The following ADAMTS5 variants were observed in gnomAD, a reference collection of about 807,000 sequenced individuals.
The protein encoded by ADAMTS5 is ADAM metallopeptidase with thrombospondin type 1 motif 5, also known as A disintegrin and metalloproteinase with thrombospondin motifs 5.
ADAMTS5 carries 54 observed loss-of-function variants against 81.4 expected under a neutral mutation model. That is an observed-to-expected ratio of 0.66 (90% CI 0.53 to 0.83). The LOEUF (loss-of-function observed/expected upper bound fraction) is 0.83. Among genes scored for constraint, ADAMTS5 ranks in the 40% least tolerant of loss-of-function variants. The pLI is 0.00. For synonymous variants in ADAMTS5, 532 were observed against 508.8 expected (o/e 1.05, Z -0.61); for missense variants, 1,194 against 1,229.9 (o/e 0.97, Z 0.44).
At chr21:26,928,038 T>C (rs1170354914) in intron 7 of ADAMTS5, among the ~76,000 whole-genome samples, 1 of 152,104 alleles carries the variant, frequency 6.6e-6, no homozygotes, top group African/African-American at 2.4e-5. Flanking sequence ...AAGATTAGGG[T>C]CATATTGTGA....
At chr21:26,925,012 A>G (rs1461547656) in intron 7 of ADAMTS5, among the ~76,000 whole-genome samples, 1 of 152,234 alleles carries the variant, frequency 6.6e-6, no homozygotes, top group Non-Finnish European at 1.5e-5. Context: ...TGACAAAAAT[A>G]TGCCTTCACT....
At chr21:26,926,706 A>G (rs903538402) in intron 7 of ADAMTS5, among the ~76,000 whole-genome samples, 9 of 151,296 alleles carry the variant, frequency 5.9e-5, no homozygotes, top group East Asian at 1.9e-4. Context: ...TTGACTCCCA[A>G]TTAGCGCTCT....
chr21:26,932,731 T>C lies in ADAMTS5; in HGVS notation c.1873+130A>G, dbSNP rs1986935524. On this transcript the variant is annotated intron_variant, in intron 5 of 7. Coordinates refer to ENST00000284987, the MANE Select transcript of ADAMTS5 (RefSeq NM_007038.5). Reference sequence around the variant, plus strand: ...AAAACAAACACATAGGTGTTTGTTATTGATCTGCATATTGGTGGAACTGTG... The same window carrying C: ...AAAACAAACACATAGGTGTTTGTTACTGATCTGCATATTGGTGGAACTGTG... 3.9e-6 allele frequency: 4 copies of C among 1,031,266 alleles called. No homozygotes were observed. The Admixed American group carries it at 1.1e-4, about 28-fold the overall frequency. 63.9% of individuals were successfully genotyped at this position (1,031,266 alleles called of 1,614,324 possible).
Position 26,934,548 on chromosome 21 carries a change from G to A in ADAMTS5, c.1607C>T (p.Ala536Val), listed in dbSNP as rs752801493. The A allele has an allele frequency of 4.9e-5, 79 of 1,613,926 alleles. 1 individual carries two copies. The Middle Eastern group carries it at 4.9e-4, about 10-fold the overall frequency. Residue 536 changes from alanine to valine, a missense_variant, in exon 4 of 8, where the codon GCG (alanine) becomes GTG (valine). By Grantham distance (64) the Ala-to-Val change is moderately conservative (BLOSUM62 0). This residue lies in a region of ADAMTS5 where 696 missense variants were observed against 817.6 expected (regional missense o/e 0.85). Coordinates refer to ENST00000284987, the MANE Select transcript of ADAMTS5 (RefSeq NM_007038.5). ...CTTTCCACAAGGCGTCCCTTCCACC[G>A]CAGGCAGCTTCTTGGTCAGACAGAC... is the stretch of plus-strand genomic sequence containing the variant. ...QMVCLTKKLPAVEGTPCGKGR... is the reference protein window; with the variant it reads ...QMVCLTKKLPVVEGTPCGKGR...
chr21:26,953,838 A>G (rs1443239745), intron 2 of ADAMTS5: 2 of 153,772 alleles, frequency 1.3e-5, no homozygotes, highest in Non-Finnish European at 2.9e-5. Context: ...ATATTCCCCA[A>G]AATAATTCCC....
intron 3 of ADAMTS5, among the ~76,000 whole-genome samples, chr21:26,943,091 T>A (rs867211455): frequency 6.6e-6 from 1 of 152,152 alleles, no homozygotes; most frequent in South Asian, 2.1e-4. Flanking sequence ...AAAGAAGGAA[T>A]AAAAGCCAGA....
intron 6 of ADAMTS5, 107 bp downstream of exon 6, chr21:26,931,897 C>T: frequency 8.5e-7 from 1 of 1,176,902 alleles, no homozygotes; most frequent in Non-Finnish European, 1.1e-6. Context: ...CAAAATCTAA[C>T]TGACCCCAAA....
chr21:26,941,381 C>CAG (rs34997665), intron 3 of ADAMTS5, among the ~76,000 whole-genome samples: 72,000 of 151,648 alleles, frequency 0.47, 18,563 homozygotes, highest in South Asian at 0.59. Context: ...GGAACAGAAA[C>CAG]AGATATAAAA....
Position 26,966,332 on chromosome 21 carries a change from G to A in ADAMTS5, c.60C>T (p.Val20=). ...CCTGGGCAGGTGTCGCGGCGGGGCC[G>A]ACCGCGGCCAGGGGCAGGCGGAACG... ...LCAFRLPLAA[V]GPAATPAQDK... is the part of the protein sequence containing the mutation. Residue 20 remains valine (V), a synonymous_variant, in exon 1 of 8, where the codon GTC becomes GTT. Transcript: ENST00000284987. 1 of 1,507,724 alleles carries A rather than the reference G, an allele frequency of 6.6e-7. No homozygotes were observed. The highest frequency in any genetic ancestry group is 2.1e-5 in the Admixed American group (1 of 47,266). The allele number at this position is 1,507,724 out of a possible 1,614,324, so 93.4% of individuals were successfully genotyped here. A position where few individuals can be genotyped will look rare whatever the true frequency, so the allele number is the denominator to read the frequency against.
chr21:26,930,068 C>T lies in ADAMTS5; in HGVS notation c.2050-7G>A. The T allele has an allele frequency of 6.2e-7, 1 of 1,613,060 alleles. No homozygotes were observed. The highest frequency in any genetic ancestry group is 1.3e-5 in the African/African-American group (1 of 74,952). Reference sequence around the variant, plus strand: ...ATTCAGTGCCATCGGTCACCTGAATCATGGCAAATGCATTAGGAGTGGGAA... The same window carrying T: ...ATTCAGTGCCATCGGTCACCTGAATTATGGCAAATGCATTAGGAGTGGGAA... On this transcript the variant is annotated splice_polypyrimidine_tract_variant and splice_region_variant and intron_variant, in intron 6 of 7. Coordinates refer to ENST00000284987, the MANE Select transcript of ADAMTS5 (RefSeq NM_007038.5).
chr21:26,962,946 C>T (rs931966293), intron 1 of ADAMTS5, among the ~76,000 whole-genome samples: 2 of 151,874 alleles, frequency 1.3e-5, no homozygotes, highest in African/African-American at 4.8e-5. Context: ...TGCATAAATG[C>T]CTTGAAATTT....
chr21:26,964,471 C>T (rs1188765710), intron 1 of ADAMTS5, among the ~76,000 whole-genome samples: 1 of 152,200 alleles, frequency 6.6e-6, no homozygotes, highest in South Asian at 2.1e-4. Flanking sequence ...TGACTCTTCG[C>T]CCAGATCTTC....
At chr21:26,949,835 C>T (rs2298675) in intron 2 of ADAMTS5, among the ~76,000 whole-genome samples, 7,261 of 152,248 alleles carry the variant, frequency 0.048, 237 homozygotes, top group East Asian at 0.13. Context: ...CAAGTTTAAT[C>T]CTAGTTTCCT....
At chr21:26,943,130 G>A (rs769022044) in intron 3 of ADAMTS5, among the ~76,000 whole-genome samples, 1 of 152,182 alleles carries the variant, frequency 6.6e-6, no homozygotes, top group Non-Finnish European at 1.5e-5. Flanking sequence ...GGCATTCTGT[G>A]TGGTCTTCCA....
chr21:26,949,068 CTT>C (rs1394349400), intron 2 of ADAMTS5, among the ~76,000 whole-genome samples: 1 of 151,644 alleles, frequency 6.6e-6, no homozygotes, highest in Non-Finnish European at 1.5e-5. Context: ...TGTTAGCTAA[CTT>C]TATTGTCCTC....
At chr21:26,965,243 C>T (rs766853087) in intron 1 of ADAMTS5, 45 bp downstream of exon 1, 10 of 1,564,778 alleles carry the variant, frequency 6.4e-6, no homozygotes, top group Admixed American at 1.8e-5. Context: ...TTCTACCTAC[C>T]TCCTGATATC....
intron 3 of ADAMTS5, among the ~76,000 whole-genome samples, chr21:26,943,053 C>T (rs1456747181): frequency 2.0e-5 from 3 of 152,054 alleles, no homozygotes; most frequent in African/African-American, 7.2e-5. Context: ...AAGATGTCTG[C>T]CAAAGTTCTC....
At chr21:26,931,645 A>T (rs575256610) in intron 6 of ADAMTS5, among the ~76,000 whole-genome samples, 1 of 152,122 alleles carries the variant, frequency 6.6e-6, no homozygotes, top group South Asian at 2.1e-4. Context: ...AAATAGAAAA[A>T]GTTTTCTTGC....
Position 26,924,597 on chromosome 21 carries a change from C to G in ADAMTS5, c.2249G>C (p.Arg750Thr). The G allele has an allele frequency of 6.2e-7, 1 of 1,613,380 alleles. No individual in the cohort carries two copies. The highest frequency in any genetic ancestry group is 8.5e-7 in the Non-Finnish European group (1 of 1,179,656). The change falls in exon 8 of 8, where the codon AGG becomes ACG. Residue 750 changes from arginine to threonine, a missense_variant. By Grantham distance (71) the Arg-to-Thr change is moderately conservative (BLOSUM62 -1). Around this residue, in one of 2 missense-constraint regions of ADAMTS5, gnomAD observed 696 missense variants for 817.6 expected, o/e 0.85. Coordinates refer to ENST00000284987, the MANE Select transcript of ADAMTS5 (RefSeq NM_007038.5). ...KKSKGYTDVV[R>T]IPEGATHIKV... is the part of the protein sequence containing the mutation. ...TATGTGGGTTGCCCCTTCAGGAATC[C>G]TCACCACGTCAGTGTAACCCTTACT...
Sources: gnomAD v4.1 joint callset for allele counts (sites outside exome capture counted in the v4.1 genomes callset) on GRCh38, gnomAD v4.1.1 for gene constraint, gnomAD v4.1.1 regional missense constraint, MANE v1.5 for transcripts, NCBI Gene and HGNC (gene_info 2026-07-23, HGNC 2026-07-21) for gene names.